The following WFDC13 variants were observed in gnomAD, a reference collection of about 807,000 sequenced individuals.
WFDC13 encodes WAP four-disulfide core domain 13, also known as WAP four-disulfide core domain protein 13.
A neutral mutation model predicts 10.9 loss-of-function variants in WFDC13; 6 were observed. The observed-to-expected ratio is 0.55, with a 90% CI of 0.30 to 1.09. The LOEUF (loss-of-function observed/expected upper bound fraction) is 1.09, where lower values mean the gene tolerates loss of function less well. Ranked by LOEUF, WFDC13 falls within the 50% of genes least tolerant of loss-of-function variation. The pLI, the probability that WFDC13 is intolerant of heterozygous loss-of-function variation, is 0.06. For missense variants in WFDC13, 104 were observed against 109.6 expected (o/e 0.95, Z 0.23); for synonymous variants, 38 against 39.5 (o/e 0.96, Z 0.14).
At chr20:45,702,489 C>T (rs750336889) in intron 1 of WFDC13, among the ~76,000 whole-genome samples, 3 of 152,308 alleles carry the variant, frequency 2.0e-5, no homozygotes, top group Non-Finnish European at 4.4e-5. Context: ...ATGGTAAATG[C>T]TCAGTAATAT....
intron 1 of WFDC13, among the ~76,000 whole-genome samples, chr20:45,704,015 G>A (rs1303795389): frequency 1.3e-5 from 2 of 152,116 alleles, no homozygotes; most frequent in East Asian, 3.8e-4. Context: ...ACCCATGTTA[G>A]GTTAACCCCA....
Position 45,708,218 on chromosome 20 carries a change from T to G in WFDC13, c.*383T>G, listed in dbSNP as rs913881754. On this transcript the variant is annotated 3_prime_UTR_variant, in exon 4 of 4. Transcript: ENST00000305479. ...CCTTGGTTGCACTCATCAGGCTAAT[T>G]GATCCCATATTTAACCTCAAGGAGA... The G allele has an allele frequency of 6.6e-6, 1 of 152,168 alleles. No homozygotes were observed. The highest frequency in any genetic ancestry group is 1.5e-5 in the Non-Finnish European group (1 of 68,066). The allele number at this position is 152,168 out of a possible 1,614,324, so 9.4% of individuals were successfully genotyped here. A position where few individuals can be genotyped will look rare whatever the true frequency, so the allele number is the denominator to read the frequency against.
At chr20:45,705,310 C>A in intron 2 of WFDC13, 1 of 365,718 alleles carries the variant, frequency 2.7e-6, no homozygotes, top group Non-Finnish European at 5.1e-6. Context: ...AACCAATGAG[C>A]CCTTTGAGGG....
chr20:45,706,272 C>T (rs983455938), intron 3 of WFDC13, among the ~76,000 whole-genome samples: 10 of 152,202 alleles, frequency 6.6e-5, no homozygotes, highest in African/African-American at 2.4e-4. Context: ...CTGAGCCCTT[C>T]ACGCTCTGAG....
chr20:45,703,087 A>G (rs1396332410), intron 1 of WFDC13, among the ~76,000 whole-genome samples: 2 of 152,220 alleles, frequency 1.3e-5, no homozygotes, highest in African/African-American at 4.8e-5. Flanking sequence ...GGAAAGGCAC[A>G]AAGAGGCTTT....
rs1443583415 is a variant in WFDC13, at chr20:45,708,397, C to CA, written c.*566dup. On this transcript the variant is annotated 3_prime_UTR_variant, in exon 4 of 4. Transcript: ENST00000305479. ...AGGCTGCAATAAGGTGCCATGAAAT[C>CA]AAAATCAAAGGGCTAGAACTCTCCA... is the stretch of plus-strand genomic sequence containing the variant. 2 of 152,072 alleles carry CA rather than the reference C, an allele frequency of 1.3e-5. No homozygotes were observed. The highest frequency in any genetic ancestry group is 2.9e-5 in the Non-Finnish European group (2 of 68,108). 9.4% of individuals were successfully genotyped at this position (152,072 alleles called of 1,614,324 possible).
chr20:45,703,252 G>A (rs775644251), intron 1 of WFDC13, among the ~76,000 whole-genome samples: 2 of 152,178 alleles, frequency 1.3e-5, no homozygotes, highest in Admixed American at 1.3e-4. Context: ...GTGTGGATTA[G>A]TTCCAATTTC....
At chr20:45,704,781 C>G in intron 2 of WFDC13, 187 bp downstream of exon 2, 1 of 1,284,222 alleles carries the variant, frequency 7.8e-7, no homozygotes, top group Non-Finnish European at 1.1e-6. Context: ...GAAAAGCCCT[C>G]CTCCCCTCCC....
At chr20:45,707,238 G>C (rs1408091757) in intron 3 of WFDC13, among the ~76,000 whole-genome samples, 2 of 152,096 alleles carry the variant, frequency 1.3e-5, no homozygotes, top group East Asian at 3.9e-4. Context: ...CCTATCTTTG[G>C]CCTACCATAA....
chr20:45,706,092 C>T (rs1372949876), intron 3 of WFDC13, among the ~76,000 whole-genome samples, 165 bp downstream of exon 3: 1 of 152,176 alleles, frequency 6.6e-6, no homozygotes, highest in Non-Finnish European at 1.5e-5. Flanking sequence ...GCTATCTTTG[C>T]ACTCCCTGGG....
At chr20:45,703,010 G>A (rs1311117593) in intron 1 of WFDC13, among the ~76,000 whole-genome samples, 1 of 152,184 alleles carries the variant, frequency 6.6e-6, no homozygotes, top group East Asian at 1.9e-4. Flanking sequence ...AGGACTAAGA[G>A]GGACTAAGCA....
At chr20:45,704,369 C>A (rs1467432356) in intron 1 of WFDC13, 75 bp from the exon 2 acceptor site, 1 of 1,534,482 alleles carries the variant, frequency 6.5e-7, no homozygotes, top group Non-Finnish European at 8.8e-7. Context: ...CCTGGCAGTT[C>A]CCTGGGCTTT....
At chr20:45,706,100 G>A (rs1039163279) in intron 3 of WFDC13, among the ~76,000 whole-genome samples, 173 bp downstream of exon 3, 1 of 152,134 alleles carries the variant, frequency 6.6e-6, no homozygotes, top group African/African-American at 2.4e-5. Flanking sequence ...TGCACTCCCT[G>A]GGGGAGGCAC....
At chr20:45,703,742 T>A (rs546980422) in intron 1 of WFDC13, among the ~76,000 whole-genome samples, 2 of 152,252 alleles carry the variant, frequency 1.3e-5, no homozygotes, top group East Asian at 1.9e-4. Flanking sequence ...GAAGTCAACA[T>A]AATGATGCTT....
chr20:45,704,744 G>C, intron 2 of WFDC13, 150 bp downstream of exon 2: 1 of 1,390,148 alleles, frequency 7.2e-7, no homozygotes, highest in Non-Finnish European at 9.8e-7. Context: ...TCTTGACCAA[G>C]GATAATTTCC....
In WFDC13 at chr20:45,704,477, C is replaced by G. The variant is rs772856948; in HGVS notation, c.122C>G (p.Ala41Gly). The G allele has an allele frequency of 9.9e-6, 16 of 1,614,018 alleles. No homozygotes were observed. Among genetic ancestry groups the G allele is most frequent in the Non-Finnish European group, 1.3e-5 (15 of 1,179,960 alleles). ...TTGGAACCTCCACCCTGCATATCAG[C>G]ACCTGAAAACTGTACTCACCTGTGT... ...YILEPPPCIS[A>G]PENCTHLCTM... The change falls in exon 2 of 4, where the codon GCA (alanine) becomes GGA (glycine). Residue 41 changes from alanine to glycine, a missense_variant. Ala to Gly is a moderately conservative substitution (Grantham distance 60). Coordinates refer to ENST00000305479, the MANE Select transcript of WFDC13 (RefSeq NM_172005.2).
At chr20:45,705,031 C>G (rs765090752) in intron 2 of WFDC13, 7 of 1,603,242 alleles carry the variant, frequency 4.4e-6, no homozygotes, top group Non-Finnish European at 6.0e-6. Context: ...GAGATCCAGC[C>G]CAAAGGAAGT....
In WFDC13 at chr20:45,707,943, G is replaced by A. The variant is rs1210783048; in HGVS notation, c.*108G>A. On this transcript the variant is annotated 3_prime_UTR_variant, in exon 4 of 4. Coordinates refer to ENST00000305479, the MANE Select transcript of WFDC13 (RefSeq NM_172005.2). ...AGGCCCAATATCTAACCTGCAAATCGTTTTTGAGTTTGGCAATAAAGGCTA... is the reference window on the plus strand; with the variant it reads ...AGGCCCAATATCTAACCTGCAAATCATTTTTGAGTTTGGCAATAAAGGCTA... 6.6e-6 allele frequency: 1 copy of A among 152,110 alleles called. No individual in the cohort carries two copies. Among genetic ancestry groups the A allele is most frequent in the African/African-American group, 2.4e-5 (1 of 41,398 alleles). 9.4% of individuals were successfully genotyped at this position (152,110 alleles called of 1,614,324 possible).
chr20:45,705,123 G>A, intron 2 of WFDC13: 1 of 819,828 alleles, frequency 1.2e-6, no homozygotes, highest in Non-Finnish European at 2.1e-6. Flanking sequence ...AGGACATAGG[G>A]TGCTGATGAG....
Sources: gnomAD v4.1 joint callset for allele counts (sites outside exome capture counted in the v4.1 genomes callset) on GRCh38, gnomAD v4.1.1 for gene constraint, MANE v1.5 for transcripts, NCBI Gene and HGNC (gene_info 2026-07-23, HGNC 2026-07-21) for gene names.